NRXN1: variants seen among roughly 807,000 people sequenced by gnomAD.
The protein encoded by NRXN1 is neurexin-1.
NRXN1 carries 39 observed loss-of-function variants against 150.9 expected under a neutral mutation model. That is an observed-to-expected ratio of 0.26 (90% CI 0.20 to 0.34). NRXN1 has a LOEUF of 0.34. Ranked by LOEUF, NRXN1 falls within the 10% of genes least tolerant of loss-of-function variation. NRXN1 has a pLI of 1.00. For missense variants in NRXN1, 1,815 were observed against 1,949.9 expected, an observed-to-expected ratio of 0.93 and a Z score of 1.30; for synonymous variants, 924 against 757.0, an observed-to-expected ratio of 1.22 and a Z score of -3.62.
chr2:50,261,047 T>G (rs994991642), intron 17 of NRXN1, among the ~76,000 whole-genome samples: 1 of 151,742 alleles, frequency 6.6e-6, no homozygotes, highest in East Asian at 1.9e-4. Context: ...TTACTAAGTC[T>G]TTCCAACATT....
intron 5 of NRXN1, among the ~76,000 whole-genome samples, chr2:50,784,959 C>G (rs140147749): frequency 6.6e-6 from 1 of 152,054 alleles, no homozygotes; most frequent in Non-Finnish European, 1.5e-5. Flanking sequence ...CTTATTGAAG[C>G]CCTAACTCCC....
chr2:50,582,505 T>A (rs1285250978), intron 8 of NRXN1, among the ~76,000 whole-genome samples: 160 of 101,732 alleles, frequency 1.6e-3, no homozygotes, highest in African/African-American at 3.5e-3. Context: ...AAAAAAAAAA[T>A]TATTTACCAG....
chr2:49,921,357 A>G lies in NRXN1; in HGVS notation c.*587T>C, dbSNP rs1396711933. ...TTTTTTTCCTCTCTCACAACCAGAA[A>G]GGGGCTTTTTGAATGTGTTCCTACA... On this transcript the variant is annotated 3_prime_UTR_variant, in exon 23 of 23. Transcript: ENST00000401669. The G allele has an allele frequency of 6.6e-6, 1 of 152,532 alleles. No homozygotes were observed. The highest frequency in any genetic ancestry group is 1.5e-5 in the Non-Finnish European group (1 of 68,012). The allele number at this position is 152,532 out of a possible 1,614,324, so 9.4% of individuals were successfully genotyped here. A position where few individuals can be genotyped will look rare whatever the true frequency, so the allele number is the denominator to read the frequency against.
chr2:50,535,068 A>G (rs2093220570), intron 10 of NRXN1, among the ~76,000 whole-genome samples: 1 of 152,242 alleles, frequency 6.6e-6, no homozygotes, highest in Non-Finnish European at 1.5e-5. Context: ...GACAAATGAA[A>G]GCCTAAACGA....
intron 17 of NRXN1, among the ~76,000 whole-genome samples, chr2:50,352,610 T>C (rs2078488999): frequency 6.6e-6 from 1 of 151,876 alleles, no homozygotes; most frequent in Non-Finnish European, 1.5e-5. Flanking sequence ...TTTTCTGAGT[T>C]TGAACTGAGC....
At chr2:50,184,397 T>G (rs2060932569) in intron 18 of NRXN1, among the ~76,000 whole-genome samples, 1 of 152,046 alleles carries the variant, frequency 6.6e-6, no homozygotes, top group Admixed American at 6.6e-5. Flanking sequence ...AATATCAATT[T>G]ACTTCAATAA....
intron 17 of NRXN1, among the ~76,000 whole-genome samples, chr2:50,435,061 G>C (rs2085310373): frequency 6.6e-6 from 1 of 151,810 alleles, no homozygotes; most frequent in South Asian, 2.1e-4. Context: ...ATATTTACGG[G>C]GTTATACTGT....
At chr2:50,243,869 T>C (rs1468362947) in intron 17 of NRXN1, among the ~76,000 whole-genome samples, 1 of 151,766 alleles carries the variant, frequency 6.6e-6, no homozygotes, top group African/African-American at 2.4e-5. Context: ...AAAAATTGTG[T>C]GTGTTTACTC....
At chr2:50,871,381 T>C (rs938829078) in intron 5 of NRXN1, among the ~76,000 whole-genome samples, 1 of 151,952 alleles carries the variant, frequency 6.6e-6, no homozygotes, top group Non-Finnish European at 1.5e-5. Context: ...TCATTTTTAA[T>C]ATGGCTTTCT....
intron 19 of NRXN1, among the ~76,000 whole-genome samples, chr2:50,077,472 T>C (rs1381306679): frequency 1.3e-5 from 2 of 152,154 alleles, no homozygotes; most frequent in Non-Finnish European, 1.5e-5. Flanking sequence ...GCAAATCTTT[T>C]CATTTAAAAA....
intron 16 of NRXN1, among the ~76,000 whole-genome samples, chr2:50,470,566 A>C (rs1178652355): frequency 4.6e-5 from 7 of 151,824 alleles, no homozygotes; most frequent in Non-Finnish European, 1.0e-4. Context: ...TAATTGCTAA[A>C]TATAACGACA....
intron 17 of NRXN1, among the ~76,000 whole-genome samples, chr2:50,343,741 T>C (rs982297031): frequency 2.0e-5 from 3 of 152,224 alleles, no homozygotes; most frequent in African/African-American, 4.8e-5. Flanking sequence ...TGAACCTGGA[T>C]AGTCAGCCCA....
At chr2:50,591,743 G>C (rs989101623) in intron 8 of NRXN1, among the ~76,000 whole-genome samples, 23 of 152,196 alleles carry the variant, frequency 1.5e-4, no homozygotes, top group African/African-American at 5.1e-4. Context: ...GACAGCACAT[G>C]GTTCTCTTCC....
In NRXN1 at chr2:50,969,246, A is replaced by AT. The variant is rs1215743858; in HGVS notation, c.773-43292dup. ...CATTAATTAATATATTAATTCACTG[A>AT]TTTTTTCCTCAATAATATGAGACTT... On this transcript the variant is annotated intron_variant, in intron 2 of 22. Transcript: ENST00000401669. 9.2e-5 allele frequency among the ~76,000 whole-genome samples: 14 copies of AT among 151,874 alleles called. 1 individual carries two copies. The highest frequency in any genetic ancestry group is 1.7e-4 in the African/African-American group (7 of 41,350).
At chr2:50,302,402 C>T (rs1342986910) in intron 17 of NRXN1, among the ~76,000 whole-genome samples, 3 of 152,090 alleles carry the variant, frequency 2.0e-5, no homozygotes, top group African/African-American at 7.2e-5. Flanking sequence ...ATAATGGGAG[C>T]AAATGACTAA....
chr2:50,098,550 C>A (rs1488077402), intron 18 of NRXN1, among the ~76,000 whole-genome samples: 1 of 152,054 alleles, frequency 6.6e-6, no homozygotes, highest in Non-Finnish European at 1.5e-5. Context: ...TCACTATGTG[C>A]CAGGTATTGA....
chr2:50,188,920 G>T (rs1215920332), intron 18 of NRXN1, among the ~76,000 whole-genome samples: 2 of 152,150 alleles, frequency 1.3e-5, no homozygotes, highest in African/African-American at 4.8e-5. Context: ...CTGTTTTTGG[G>T]AGTGTAAATT....
At chr2:50,125,586 C>A in intron 18 of NRXN1, among the ~76,000 whole-genome samples, 1 of 152,140 alleles carries the variant, frequency 6.6e-6, no homozygotes, top group Middle Eastern at 3.4e-3. Flanking sequence ...AAAGATAAAT[C>A]ACGTTTCCTT....
At chr2:50,046,539 A>G (rs981268871) in intron 21 of NRXN1, among the ~76,000 whole-genome samples, 7 of 152,142 alleles carry the variant, frequency 4.6e-5, no homozygotes, top group Admixed American at 1.3e-4. Context: ...TACTTTGAAC[A>G]TTTCTTTATA....
Sources: gnomAD v4.1 joint callset for allele counts (sites outside exome capture counted in the v4.1 genomes callset) on GRCh38, gnomAD v4.1.1 for gene constraint, MANE v1.5 for transcripts, NCBI Gene and HGNC (gene_info 2026-07-23, HGNC 2026-07-21) for gene names.